SMG7: variants seen among roughly 807,000 people sequenced by gnomAD.
SMG7 encodes the protein SMG7 nonsense mediated mRNA decay factor, also known as nonsense-mediated mRNA decay factor SMG7.
A neutral mutation model predicts 148.2 loss-of-function variants in SMG7; 34 were observed. The observed-to-expected ratio is 0.23, with a 90% CI of 0.17 to 0.31. The LOEUF (loss-of-function observed/expected upper bound fraction) is 0.31. Among genes scored for constraint, SMG7 ranks in the 10% least tolerant of loss-of-function variants. SMG7 has a pLI of 1.00. For synonymous variants in SMG7, 492 were observed against 515.1 expected (o/e 0.96, Z 0.61); for missense variants, 1,114 against 1,408.4 (o/e 0.79, Z 3.35).
chr1:183,542,603 G>A (rs1364440696), intron 14 of SMG7, 101 bp downstream of exon 14: 11 of 901,136 alleles, frequency 1.2e-5, no homozygotes, highest in Non-Finnish European at 1.9e-5. Flanking sequence ...CGTCCTGGAA[G>A]TTTAAATGCA....
chr1:183,508,766 T>A (rs1429110599), intron 1 of SMG7, among the ~76,000 whole-genome samples: 1 of 152,224 alleles, frequency 6.6e-6, no homozygotes, highest in Non-Finnish European at 1.5e-5. Flanking sequence ...AGCCAAACTT[T>A]GTTTTAAAGA....
intron 16 of SMG7, 70 bp from the exon 17 acceptor site, chr1:183,545,896 A>G: frequency 6.7e-7 from 1 of 1,495,602 alleles, no homozygotes; most frequent in Non-Finnish European, 9.0e-7. Context: ...TCATTCTGTG[A>G]TTCTTTAGCA....
chr1:183,526,154 ATAT>A (rs959719833), intron 4 of SMG7, among the ~76,000 whole-genome samples: 9 of 73,410 alleles, frequency 1.2e-4, no homozygotes, highest in East Asian at 4.1e-4. Context: ...ATATATATAT[ATAT>A]TTTTTTTTTT....
At chr1:183,546,434 T>A in intron 17 of SMG7, 97 bp downstream of exon 17, 1 of 1,282,700 alleles carries the variant, frequency 7.8e-7, no homozygotes, top group Non-Finnish European at 1.1e-6. Flanking sequence ...AGGCCACTCT[T>A]ATTCGTTAGT....
chr1:183,515,754 A>G, intron 2 of SMG7, 120 bp from the exon 3 acceptor site: 1 of 514,824 alleles, frequency 1.9e-6, no homozygotes, highest in Non-Finnish European at 3.5e-6. Context: ...ATTCTATGGA[A>G]TATATTTAGA....
intron 1 of SMG7, among the ~76,000 whole-genome samples, chr1:183,478,307 G>A (rs1653180867): frequency 6.6e-6 from 1 of 152,122 alleles, no homozygotes; most frequent in African/African-American, 2.4e-5. Context: ...TTTACAGAAT[G>A]TAAAGTAGCT....
intron 1 of SMG7, among the ~76,000 whole-genome samples, chr1:183,481,816 C>A (rs72637284): frequency 0.086 from 13,024 of 152,054 alleles, 644 homozygotes; most frequent in East Asian, 0.23. Flanking sequence ...CACCAGAGTT[C>A]AGTTTTACTT....
intron 22 of SMG7, 104 bp from the exon 23 acceptor site, chr1:183,551,714 T>G (rs1558075899): frequency 1.3e-6 from 1 of 775,274 alleles, no homozygotes; most frequent in Non-Finnish European, 1.9e-6. Flanking sequence ...TGGGGTTGGG[T>G]TTTGGGGCCA....
intron 4 of SMG7, chr1:183,518,515 T>C (rs1664085344): frequency 6.6e-6 from 1 of 152,200 alleles, no homozygotes; most frequent in Admixed American, 6.5e-5. Flanking sequence ...ATCAAGTGAG[T>C]TTTCATAGTA....
In SMG7 at chr1:183,529,054, TG is replaced by T; in HGVS notation, c.707+14del. The stretch of plus-strand genomic sequence containing the variant: ...AAAGCACTGGAAAGGTAGGGTTGTT[TG>T]GTTTTTTTTTTCTCTTTCCAAGAGG... On this transcript the variant is annotated intron_variant, in intron 7 of 22. Transcript: ENST00000688051. 1.9e-6 allele frequency: 3 copies of T among 1,586,596 alleles called. No homozygotes were observed. The highest frequency in any genetic ancestry group is 2.6e-6 in the Non-Finnish European group (3 of 1,171,586).
At chr1:183,535,165 G>A (rs1667534553) in intron 10 of SMG7, among the ~76,000 whole-genome samples, 1 of 152,112 alleles carries the variant, frequency 6.6e-6, no homozygotes, top group African/African-American at 2.4e-5. Flanking sequence ...AGAACTGCAT[G>A]TTTTACCATT....
At chr1:183,536,881 A>G (rs142008615) in intron 10 of SMG7, among the ~76,000 whole-genome samples, 109 of 152,202 alleles carry the variant, frequency 7.2e-4, no homozygotes, top group African/African-American at 2.6e-3. Context: ...AATTATTTTC[A>G]CCATTTGTTG....
chr1:183,480,192 C>T (rs578019312), intron 1 of SMG7, among the ~76,000 whole-genome samples: 1 of 152,142 alleles, frequency 6.6e-6, no homozygotes, highest in East Asian at 1.9e-4. Context: ...TCACTTGTGT[C>T]GCTCTCTTCT....
intron 1 of SMG7, among the ~76,000 whole-genome samples, chr1:183,484,854 G>A (rs1349875302): frequency 6.6e-6 from 1 of 151,980 alleles, no homozygotes; most frequent in Non-Finnish European, 1.5e-5. Context: ...TATACTCTTA[G>A]ACCATCTGCC....
chr1:183,552,998 C>T lies in SMG7; in HGVS notation c.*1067C>T, dbSNP rs1347346454. 4.6e-6 allele frequency: 7 copies of T among 1,536,272 alleles called. No homozygotes were observed. Among genetic ancestry groups the T allele is most frequent in the South Asian group, 1.2e-5 (1 of 84,056 alleles). The stretch of plus-strand genomic sequence containing the variant: ...CAAGAAGCAACAGCATGGGGTCCAG[C>T]AGTTGGGGCCCAAAAGACAGTCTGA... On this transcript the variant is annotated 3_prime_UTR_variant, in exon 23 of 23. Transcript: ENST00000688051.
intron 10 of SMG7, among the ~76,000 whole-genome samples, 197 bp from the exon 11 acceptor site, chr1:183,536,948 G>A (rs1192327758): frequency 1.3e-5 from 2 of 152,030 alleles, no homozygotes; most frequent in Non-Finnish European, 2.9e-5. Flanking sequence ...ATGGAAATTT[G>A]TCCCTTTTGT....
chr1:183,511,477 A>G (rs907541046), intron 1 of SMG7, among the ~76,000 whole-genome samples: 1 of 152,156 alleles, frequency 6.6e-6, no homozygotes, highest in Admixed American at 6.5e-5. Flanking sequence ...GTCTTTTATA[A>G]AGACCCCTAG....
chr1:183,520,588 G>A (rs1664540501), intron 4 of SMG7, among the ~76,000 whole-genome samples: 1 of 152,054 alleles, frequency 6.6e-6, no homozygotes, highest in Non-Finnish European at 1.5e-5. Context: ...GGAAGGAGGT[G>A]GTGCAGCTGG....
intron 2 of SMG7, among the ~76,000 whole-genome samples, chr1:183,515,022 A>G (rs1198186288): frequency 6.6e-6 from 1 of 152,218 alleles, no homozygotes; most frequent in Non-Finnish European, 1.5e-5. Context: ...CCCATTATTA[A>G]GTTCACCTAC....
Sources: gnomAD v4.1 joint callset for allele counts (sites outside exome capture counted in the v4.1 genomes callset) on GRCh38, gnomAD v4.1.1 for gene constraint, MANE v1.5 for transcripts, NCBI Gene and HGNC (gene_info 2026-07-23, HGNC 2026-07-21) for gene names.